ZSCAN25: variants seen among roughly 807,000 people sequenced by gnomAD.
The protein encoded by ZSCAN25 is zinc finger and SCAN domain containing 25.
ZSCAN25 carries 27 observed loss-of-function variants against 38.7 expected under a neutral mutation model. That is an observed-to-expected ratio of 0.70 (90% CI 0.51 to 0.96). The LOEUF is 0.96. Ranked by LOEUF, ZSCAN25 falls within the 40% of genes least tolerant of loss-of-function variation. The pLI, the probability that ZSCAN25 is intolerant of heterozygous loss-of-function variation, is 0.00. For synonymous variants in ZSCAN25, 273 were observed against 277.7 expected (o/e 0.98, Z 0.17); for missense variants, 637 against 705.9 (o/e 0.90, Z 1.11).
chr7:99,640,397 A>T, the ZSCAN25 span, among the ~76,000 whole-genome samples: 19 of 152,202 alleles, frequency 1.2e-4, no homozygotes, highest in Non-Finnish European at 2.5e-4. Flanking sequence ...AGCTCAGGTG[A>T]TCCATCCGCC....
the ZSCAN25 span, among the ~76,000 whole-genome samples, chr7:99,670,054 G>A: frequency 5.3e-5 from 8 of 152,104 alleles, no homozygotes; most frequent in African/African-American, 9.7e-5. Context: ...TTGAATCATC[G>A]CTAGTTTCAG....
the ZSCAN25 span, chr7:99,710,885 A>G: frequency 3.4e-5 from 55 of 1,613,672 alleles, no homozygotes; most frequent in East Asian, 8.2e-4. Flanking sequence ...GCTCCAGATC[A>G]GACAGAGCTG....
chr7:99,688,880 A>C, the ZSCAN25 span, among the ~76,000 whole-genome samples: 3 of 152,244 alleles, frequency 2.0e-5, no homozygotes, highest in Non-Finnish European at 4.4e-5. Flanking sequence ...AAACTGCTCA[A>C]CTACATGGAA....
At position 99,621,550 on chromosome 7, in the gene ZSCAN25, G is replaced by A; in HGVS notation, c.565G>A (p.Glu189Lys). 1 of 1,507,352 alleles carries A rather than the reference G, an allele frequency of 6.6e-7. No individual in the cohort carries two copies. Among genetic ancestry groups the A allele is most frequent in the Non-Finnish European group, 9.0e-7 (1 of 1,116,094 alleles). 93.4% of individuals were successfully genotyped at this position (1,507,352 alleles called of 1,614,324 possible). A position where few individuals can be genotyped will look rare whatever the true frequency, so the allele number is the denominator to read the frequency against. ...GCAGCTCAGTCAGGACCCTGGAGAT[G>A]AGACACGGGCCTTCCAGGAGCAAGG... ...EEQLSQDPGD[E>K]TRAFQEQALP... Residue 189 changes from glutamate (E) to lysine (K), a missense_variant, in exon 5 of 8, where the codon GAG becomes AAG. Transcript: ENST00000394152.
chr7:99,700,806 G>A, the ZSCAN25 span, among the ~76,000 whole-genome samples: 1 of 152,304 alleles, frequency 6.6e-6, no homozygotes, highest in East Asian at 1.9e-4. Flanking sequence ...CTGGGCCCCT[G>A]TGTGTCATCC....
At chr7:99,687,706 G>A in the ZSCAN25 span, among the ~76,000 whole-genome samples, 141 of 152,164 alleles carry the variant, frequency 9.3e-4, no homozygotes, top group African/African-American at 3.3e-3. Context: ...AGCAACTCCA[G>A]GACTCATAAT....
Position 99,630,675 on chromosome 7 carries a change from G to A in ZSCAN25, c.*655G>A. 1 of 985,454 alleles carries A rather than the reference G, an allele frequency of 1.0e-6. No homozygotes were observed. Among genetic ancestry groups the A allele is most frequent in the Non-Finnish European group, 1.2e-6 (1 of 830,002 alleles). The allele number at this position is 985,454 out of a possible 1,614,324, so 61.0% of individuals were successfully genotyped here. A position where few individuals can be genotyped will look rare whatever the true frequency, so the allele number is the denominator to read the frequency against. ...CTCCCCAGCTGGGATCTGCTCCCAG[G>A]CAACTGTGTGAATTTTACATTATTT... is the stretch of plus-strand genomic sequence containing the variant. On this transcript the variant is annotated 3_prime_UTR_variant, in exon 8 of 8. Coordinates refer to ENST00000394152, the MANE Select transcript of ZSCAN25 (RefSeq NM_145115.3).
At chr7:99,638,614 G>C in the ZSCAN25 span, 26 of 1,583,494 alleles carry the variant, frequency 1.6e-5, no homozygotes, top group Non-Finnish European at 2.2e-5. Flanking sequence ...GTAAGTCACT[G>C]TCTCCACGTT....
the ZSCAN25 span, among the ~76,000 whole-genome samples, chr7:99,653,430 C>T: frequency 1.3e-5 from 2 of 149,430 alleles, no homozygotes; most frequent in South Asian, 2.1e-4. The surrounding 1 kb of genome is among the most constrained non-coding windows in gnomAD (Gnocchi z 4.2). Flanking sequence ...CAGCTTGGGT[C>T]GTAGAGTCAG....
At chr7:99,732,257 T>C in the ZSCAN25 span, among the ~76,000 whole-genome samples, 2 of 152,168 alleles carry the variant, frequency 1.3e-5, no homozygotes, top group African/African-American at 4.8e-5. Flanking sequence ...TCTGCCTGCT[T>C]CTTTTTCACC....
At chr7:99,693,118 T>C in the ZSCAN25 span, among the ~76,000 whole-genome samples, 1 of 152,230 alleles carries the variant, frequency 6.6e-6, no homozygotes, top group East Asian at 1.9e-4. Flanking sequence ...ATGCTATTTC[T>C]GTCTGTTAGT....
chr7:99,653,266 C>A, the ZSCAN25 span, among the ~76,000 whole-genome samples: 1 of 152,106 alleles, frequency 6.6e-6, no homozygotes, highest in African/African-American at 2.4e-5. This position sits in a 1 kb window ranked among gnomAD's most constrained non-coding sequence, Gnocchi z 4.2. Context: ...GCTTGGGAAA[C>A]ATGGTGAAAA....
downstream of ZSCAN25, among the ~76,000 whole-genome samples, chr7:99,634,341 A>G (rs1808180259): frequency 6.6e-6 from 1 of 152,146 alleles, no homozygotes; most frequent in Non-Finnish European, 1.5e-5. Flanking sequence ...GGCAAGGAGA[A>G]CCTTTGTTTC....
At chr7:99,711,025 G>C in the ZSCAN25 span, 10 of 1,468,014 alleles carry the variant, frequency 6.8e-6, no homozygotes, top group Non-Finnish European at 9.2e-6. Context: ...AGTCTCACTG[G>C]GGGTGGTTTC....
At chr7:99,660,582 A>G in the ZSCAN25 span, 1 of 1,614,016 alleles carries the variant, frequency 6.2e-7, no homozygotes, top group Non-Finnish European at 8.5e-7. Context: ...AAAGTGAAGG[A>G]AAGAACACTG....
At chr7:99,710,539 C>T in the ZSCAN25 span, among the ~76,000 whole-genome samples, 9 of 152,220 alleles carry the variant, frequency 5.9e-5, no homozygotes, top group Non-Finnish European at 1.0e-4. Context: ...GACTGTTTTA[C>T]AAAGATCTTA....
the ZSCAN25 span, chr7:99,665,384 G>A: frequency 6.4e-7 from 1 of 1,573,166 alleles, no homozygotes; most frequent in South Asian, 1.1e-5. Context: ...CATGCAGCAA[G>A]AAACCCACAT....
the ZSCAN25 span, among the ~76,000 whole-genome samples, chr7:99,670,165 A>G: frequency 7.2e-5 from 11 of 152,206 alleles, no homozygotes; most frequent in Non-Finnish European, 1.5e-4. Context: ...ATGCTTTGTG[A>G]TGTGAAATCA....
chr7:99,681,719 GA>G, the ZSCAN25 span, among the ~76,000 whole-genome samples: 1 of 152,230 alleles, frequency 6.6e-6, no homozygotes, highest in Non-Finnish European at 1.5e-5. Flanking sequence ...TCTGTTGTCA[GA>G]GTGTGACTTT....
Sources: allele counts gnomAD v4.1 joint callset (sites outside exome capture counted in the v4.1 genomes callset), GRCh38; gene constraint gnomAD v4.1.1; non-coding constraint Gnocchi (gnomAD v3.1); transcripts MANE v1.5; gene names NCBI Gene and HGNC (gene_info 2026-07-23, HGNC 2026-07-21).